The following ABCA10 variants were observed in gnomAD, a reference collection of about 807,000 sequenced individuals.
ABCA10 encodes the protein ATP-binding cassette sub-family A member 10.
Under a neutral mutation model 187.5 loss-of-function variants are expected in ABCA10, and 169 were observed. That is an observed-to-expected ratio of 0.90 (90% CI 0.80 to 1.02). The LOEUF (loss-of-function observed/expected upper bound fraction) is 1.02. ABCA10 is among the 50% of genes least tolerant of loss of function. The pLI is 0.00. For missense variants in ABCA10, 1,727 were observed against 1,812.4 expected (o/e 0.95, Z 0.86); for synonymous variants, 574 against 601.8 (o/e 0.95, Z 0.68).
chr17:69,210,605 C>CACTAT (rs1555662832), intron 9 of ABCA10, among the ~76,000 whole-genome samples: 1 of 150,878 alleles, frequency 6.6e-6, no homozygotes, highest in Non-Finnish European at 1.5e-5. Context: ...CCCCAAAGTT[C>CACTAT]ATTATTCACA....
In ABCA10 at chr17:69,201,614, G is replaced by A. The variant is rs2074545803; in HGVS notation, c.1061C>T (p.Ser354Phe). Residue 354 changes from serine to phenylalanine, a missense_variant, in exon 10 of 39, where the codon TCC (serine) becomes TTC (phenylalanine). Coordinates refer to ENST00000690296, the MANE Select transcript of ABCA10 (RefSeq NM_001377321.1). ...PLFFLKSSFWSKHQNTHHEIF... is the reference protein window; with the variant it reads ...PLFFLKSSFWFKHQNTHHEIF... ...TTCATGATGAGTATTTTGATGTTTG[G>A]ACCAAAATGAGGACTTAAGGAAAAA... 11 of 1,611,348 alleles carry A rather than the reference G, an allele frequency of 6.8e-6. No homozygotes were observed. Among genetic ancestry groups the A allele is most frequent in the Non-Finnish European group, 9.3e-6 (11 of 1,179,086 alleles).
At chr17:69,160,810 G>T (rs2074212220) in intron 27 of ABCA10, among the ~76,000 whole-genome samples, 1 of 152,158 alleles carries the variant, frequency 6.6e-6, no homozygotes, top group African/African-American at 2.4e-5. Flanking sequence ...CACTGTTGGT[G>T]AGACTGCAAA....
intron 27 of ABCA10, among the ~76,000 whole-genome samples, chr17:69,161,307 A>C (rs1298185194): frequency 1.3e-5 from 2 of 152,242 alleles, no homozygotes; most frequent in Non-Finnish European, 2.9e-5. Context: ...CAAGATTAAA[A>C]GTTCTGGAGA....
chr17:69,151,566 C>T (rs919449334), intron 36 of ABCA10, among the ~76,000 whole-genome samples: 2 of 152,012 alleles, frequency 1.3e-5, no homozygotes, highest in Middle Eastern at 3.2e-3. Flanking sequence ...CATGGTTGAC[C>T]ACATACAACT....
intron 5 of ABCA10, among the ~76,000 whole-genome samples, chr17:69,221,118 G>A (rs1336935656): frequency 6.6e-6 from 1 of 152,222 alleles, no homozygotes; most frequent in Non-Finnish European, 1.5e-5. Context: ...AGTGTAAGGG[G>A]AGATAAGTTG....
intron 9 of ABCA10, among the ~76,000 whole-genome samples, chr17:69,211,325 A>ACG (rs2074651172): frequency 5.9e-5 from 1 of 16,958 alleles, no homozygotes; most frequent in African/African-American, 1.5e-4. Context: ...ATATATATAT[A>ACG]TATATATATA....
At chr17:69,238,696 T>C (rs749926502) in intron 1 of ABCA10, among the ~76,000 whole-genome samples, 2 of 152,202 alleles carry the variant, frequency 1.3e-5, no homozygotes, top group Non-Finnish European at 2.9e-5. Context: ...TTAAAGGCTA[T>C]AGATTACTTT....
chr17:69,154,099 A>G, intron 31 of ABCA10, 90 bp from the exon 32 acceptor site: 1 of 1,514,680 alleles, frequency 6.6e-7, no homozygotes, highest in Non-Finnish European at 8.9e-7. Context: ...ATTAAGCTAC[A>G]ATATTTTTTG....
At chr17:69,199,527 C>T (rs1002538034) in intron 10 of ABCA10, among the ~76,000 whole-genome samples, 21 of 152,186 alleles carry the variant, frequency 1.4e-4, no homozygotes, top group Non-Finnish European at 2.9e-4. Flanking sequence ...AGGTGGATGA[C>T]ACTGTATGCA....
At chr17:69,214,166 C>T (rs8065924) in intron 9 of ABCA10, among the ~76,000 whole-genome samples, 82,762 of 152,040 alleles carry the variant, frequency 0.54, 24,482 homozygotes, top group Non-Finnish European at 0.67. Flanking sequence ...CCTACCTTTA[C>T]GAAAGACAAA....
chr17:69,170,803 C>T (rs1158521685), intron 25 of ABCA10, among the ~76,000 whole-genome samples: 1 of 151,920 alleles, frequency 6.6e-6, no homozygotes, highest in African/African-American at 2.4e-5. Flanking sequence ...AAGCCTGAAA[C>T]CCACCTTGGA....
At chr17:69,231,740 T>C (rs138149882), upstream of ABCA10, among the ~76,000 whole-genome samples, 28 of 152,310 alleles carry the variant, frequency 1.8e-4, 1 homozygote, top group East Asian at 5.4e-3. Context: ...ATGTGTATTC[T>C]GCAGCTGTTG....
In ABCA10 at chr17:69,174,412, C is replaced by G. The variant is rs2074318443; in HGVS notation, c.3049-18G>C. 5 of 1,552,742 alleles carry G rather than the reference C, an allele frequency of 3.2e-6. No homozygotes were observed. The South Asian group carries it at 6.0e-5, about 18-fold the overall frequency. The stretch of plus-strand genomic sequence containing the variant: ...CATACCACCTGCAAATAATGAGGAT[C>G]AATGGCAAGATTAGAAATGGCAGGT... On this transcript the variant is annotated intron_variant, in intron 24 of 38. Transcript: ENST00000690296.
chr17:69,226,025 A>G (rs1012265409), intron 2 of ABCA10, among the ~76,000 whole-genome samples: 6 of 152,122 alleles, frequency 3.9e-5, no homozygotes, highest in African/African-American at 1.4e-4. Context: ...TTCCTGAACA[A>G]ATCAACCTTA....
At chr17:69,230,596 G>A (rs569636915), upstream of ABCA10, among the ~76,000 whole-genome samples, 1 of 152,010 alleles carries the variant, frequency 6.6e-6, no homozygotes, top group African/African-American at 2.4e-5. Context: ...ATACCAACTA[G>A]CACCTCCTCA....
chr17:69,189,823 G>C (rs1229092282), intron 18 of ABCA10, among the ~76,000 whole-genome samples: 3 of 152,178 alleles, frequency 2.0e-5, no homozygotes, highest in Non-Finnish European at 4.4e-5. Context: ...TTGAAGATCA[G>C]ATGACTGTAG....
chr17:69,151,955 C>A, intron 36 of ABCA10, 88 bp downstream of exon 36: 1 of 1,515,232 alleles, frequency 6.6e-7, no homozygotes, highest in South Asian at 1.3e-5. Context: ...CTCTGCCTTT[C>A]TCTTCCGGTT....
rs1193452033 is a variant in ABCA10 at position 69,175,430 on chromosome 17, G to T, written c.2853C>A (p.Gly951=). ...CTTTATAATCGCTGATGCTGCTCAT[G>T]CCGATAAAAGGAGAAACGCAGTTTG... ...LITNCVSPFI[G]MSSISDYKKN... Residue 951 remains glycine (G), a synonymous_variant, in exon 23 of 39, where the codon GGC becomes GGA. Transcript: ENST00000690296. 3.1e-6 allele frequency: 5 copies of T among 1,611,538 alleles called. No homozygotes were observed. The highest frequency in any genetic ancestry group is 3.4e-6 in the Non-Finnish European group (4 of 1,178,522).
At chr17:69,191,912 T>C (rs181834779) in intron 16 of ABCA10, among the ~76,000 whole-genome samples, 32 of 152,382 alleles carry the variant, frequency 2.1e-4, no homozygotes, top group African/African-American at 7.5e-4. Context: ...ATTCTGCCAT[T>C]CTATCAATTA....
Sources: allele counts gnomAD v4.1 joint callset (sites outside exome capture counted in the v4.1 genomes callset), GRCh38; gene constraint gnomAD v4.1.1; transcripts MANE v1.5; gene names NCBI Gene and HGNC (gene_info 2026-07-23, HGNC 2026-07-21).